HEPHL1: variants seen among roughly 807,000 people sequenced by gnomAD.
The protein encoded by HEPHL1 is hephaestin like 1.
In HEPHL1, 123 loss-of-function variants were observed where a neutral mutation model predicts 122.0. The observed-to-expected ratio is 1.01, with a 90% CI of 0.87 to 1.17. The LOEUF is 1.17. Among genes scored for constraint, HEPHL1 ranks in the 50% most tolerant of loss-of-function variants. The probability of loss-of-function intolerance (pLI) is 0.00; values close to 1 mark genes in which losing one functional copy is unlikely to be tolerated. For missense variants in HEPHL1, 1,452 were observed against 1,430.5 expected, an observed-to-expected ratio of 1.01 and a Z score of -0.24; for synonymous variants, 527 against 508.9, an observed-to-expected ratio of 1.04 and a Z score of -0.48.
chr11:94,059,806 C>T (rs1050427657), intron 2 of HEPHL1, among the ~76,000 whole-genome samples: 2 of 151,932 alleles, frequency 1.3e-5, no homozygotes, highest in Non-Finnish European at 2.9e-5. Flanking sequence ...TAATAGCCTT[C>T]AATAACTCCT....
intron 2 of HEPHL1, 42 bp downstream of exon 2, chr11:94,045,959 C>T (rs116965267): frequency 0.023 from 35,929 of 1,582,072 alleles, 516 homozygotes; most frequent in Non-Finnish European, 0.026. Flanking sequence ...GTCTCTATTT[C>T]ATAAGTAAGG....
At chr11:94,062,521 A>G (rs1945994407) in intron 2 of HEPHL1, among the ~76,000 whole-genome samples, 2 of 152,200 alleles carry the variant, frequency 1.3e-5, no homozygotes, top group Admixed American at 1.3e-4. Context: ...AATGCCTAGC[A>G]CATTGGTAGC....
Position 94,070,387 on chromosome 11 carries a change from G to A in HEPHL1, c.1077G>A (p.Gly359=), listed in dbSNP as rs753731996. The change falls in exon 6 of 20, where the codon GGG becomes GGA. Residue 359 remains glycine, a synonymous_variant. Coordinates refer to ENST00000315765, the MANE Select transcript of HEPHL1 (RefSeq NM_001098672.2). ...TCTGTTCTGCAGCTGGTATGCTGGG[G>A]CAATACAATGTTGATAACTGCAAAA... is the stretch of plus-strand genomic sequence containing the variant. ...VSDHLQAGML[G]QYNVDNCKSD... is the part of the protein sequence containing the mutation. The A allele has an allele frequency of 3.1e-6, 5 of 1,594,782 alleles. No individual in the cohort carries two copies. In the Admixed American group the frequency reaches 8.7e-5, roughly 28 times the overall value.
At position 94,059,573 on chromosome 11, in the gene HEPHL1, G is replaced by A. The variant is rs1052817040; in HGVS notation, c.416-3935G>A. On this transcript the variant is annotated intron_variant, in intron 2 of 19. Transcript: ENST00000315765. ...CTCACACAGCCTAGAACATATATAA[G>A]CAAATAAATAGTGTTTTATACTTTC... 3.3e-5 allele frequency among the ~76,000 whole-genome samples: 5 copies of A among 152,172 alleles called. No individual in the cohort carries two copies. The South Asian group carries it at 1.0e-3, about 32-fold the overall frequency.
chr11:94,057,856 C>G (rs943700934), intron 2 of HEPHL1, among the ~76,000 whole-genome samples: 3 of 151,730 alleles, frequency 2.0e-5, no homozygotes, highest in Admixed American at 6.6e-5. Context: ...TTTTGTTGTT[C>G]TTGAAAACTG....
intron 8 of HEPHL1, among the ~76,000 whole-genome samples, chr11:94,073,650 G>C (rs1763333243): frequency 6.6e-6 from 1 of 152,060 alleles, no homozygotes; most frequent in Admixed American, 6.6e-5. Context: ...GAGAATTTAG[G>C]ACAAGGTCTG....
intron 12 of HEPHL1, among the ~76,000 whole-genome samples, chr11:94,092,591 C>T (rs970649345): frequency 2.0e-5 from 3 of 152,070 alleles, no homozygotes; most frequent in Non-Finnish European, 4.4e-5. Context: ...GTTTAAAATG[C>T]CCCCTTAAAC....
At chr11:94,024,455 G>T (rs1471638802) in intron 1 of HEPHL1, among the ~76,000 whole-genome samples, 1 of 152,126 alleles carries the variant, frequency 6.6e-6, no homozygotes, top group Non-Finnish European at 1.5e-5. Context: ...TTTTTGCAAT[G>T]GTGAAAGAAA....
In HEPHL1 at chr11:94,042,421, C is replaced by T. The variant is rs765373123; in HGVS notation, c.171-3252C>T. On this transcript the variant is annotated intron_variant, in intron 1 of 19. Coordinates refer to ENST00000315765, the MANE Select transcript of HEPHL1 (RefSeq NM_001098672.2). ...AATCATGCTGCTATAAAGACACATGCACACATATGTTTATTGCGGCATTAT... is the reference window on the plus strand; with the variant it reads ...AATCATGCTGCTATAAAGACACATGTACACATATGTTTATTGCGGCATTAT... Among the ~76,000 whole-genome samples, 1,355 of 141,990 alleles carry T rather than the reference C, an allele frequency of 9.5e-3. 7 individuals are homozygous for T. Among genetic ancestry groups the T allele is most frequent in the Non-Finnish European group, 0.016 (1,072 of 65,686 alleles). 93.2% of individuals were successfully genotyped at this position (141,990 alleles called of 152,430 possible). A position where few individuals can be genotyped will look rare whatever the true frequency, so the allele number is the denominator to read the frequency against.
intron 4 of HEPHL1, among the ~76,000 whole-genome samples, chr11:94,065,351 GAAGAGA>G (rs1946024871): frequency 6.6e-6 from 1 of 152,180 alleles, no homozygotes. Flanking sequence ...CCATTTTACA[GAAGAGA>G]AACTGAGGTC....
intron 2 of HEPHL1, among the ~76,000 whole-genome samples, chr11:94,052,316 A>T (rs1276591080): frequency 2.0e-5 from 3 of 151,964 alleles, no homozygotes; most frequent in Non-Finnish European, 4.4e-5. Flanking sequence ...TATAGTTTTC[A>T]TTATAAAGAT....
intron 1 of HEPHL1, among the ~76,000 whole-genome samples, chr11:94,033,689 T>A (rs1196179847): frequency 6.6e-6 from 1 of 152,190 alleles, no homozygotes; most frequent in East Asian, 1.9e-4. Flanking sequence ...TGCAACACCA[T>A]CCCAGCTTTA....
At chr11:94,107,518 T>G (rs979089460) in intron 17 of HEPHL1, among the ~76,000 whole-genome samples, 4 of 152,218 alleles carry the variant, frequency 2.6e-5, no homozygotes, top group Admixed American at 2.0e-4. Context: ...TAGAATACTT[T>G]TATTTCCCCC....
chr11:94,045,104 C>T (rs1043210469), intron 1 of HEPHL1, among the ~76,000 whole-genome samples: 6 of 152,134 alleles, frequency 3.9e-5, no homozygotes, highest in African/African-American at 1.4e-4. Context: ...AACAGGGTCT[C>T]ACTATGTTGC....
intron 1 of HEPHL1, among the ~76,000 whole-genome samples, chr11:94,043,246 A>G (rs1265594704): frequency 6.6e-6 from 1 of 152,212 alleles, no homozygotes; most frequent in East Asian, 1.9e-4. Context: ...AGCCAAATTT[A>G]AGAGATTAGA....
rs775294934 is a variant in HEPHL1 at position 94,106,083 on chromosome 11, G to C, written c.2998G>C (p.Val1000Leu). 6.3e-7 allele frequency: 1 copy of C among 1,598,568 alleles called. No homozygotes were observed. Among genetic ancestry groups the C allele is most frequent in the Admixed American group, 1.7e-5 (1 of 59,862 alleles). Residue 1000 changes from valine (V) to leucine (L), a missense_variant, in exon 17 of 20, where the codon GTG (valine) becomes CTG (leucine). Coordinates refer to ENST00000315765, the MANE Select transcript of HEPHL1 (RefSeq NM_001098672.2). The part of the protein sequence containing the change: ...NWYLLGIGSE[V>L]DIHTIHYHAE... ...GTATTTGTTAGGGATAGGAAGTGAA[G>C]TGGACATACATACCATCCATTATCA...
intron 12 of HEPHL1, 46 bp from the exon 13 acceptor site, chr11:94,093,455 T>A: frequency 6.2e-7 from 1 of 1,609,614 alleles, no homozygotes; most frequent in Non-Finnish European, 8.5e-7. Context: ...GCTCAAAGCT[T>A]TTCTGCTTTC....
chr11:94,099,488 C>A (rs1301964099), intron 13 of HEPHL1, among the ~76,000 whole-genome samples: 3 of 152,172 alleles, frequency 2.0e-5, no homozygotes, highest in African/African-American at 7.2e-5. Context: ...GCAGTCTGAC[C>A]ATTCTCAGAT....
At chr11:94,056,621 G>A (rs1036880649) in intron 2 of HEPHL1, among the ~76,000 whole-genome samples, 2 of 136,658 alleles carry the variant, frequency 1.5e-5, no homozygotes, top group Non-Finnish European at 3.1e-5. Flanking sequence ...GCTCCATAAA[G>A]CTCCATTCTC....
Sources: allele counts gnomAD v4.1 joint callset (sites outside exome capture counted in the v4.1 genomes callset), GRCh38; gene constraint gnomAD v4.1.1; transcripts MANE v1.5; gene names NCBI Gene and HGNC (gene_info 2026-07-23, HGNC 2026-07-21).